Variants in GRIK4 observed in about 807,000 individuals in gnomAD.
GRIK4 encodes glutamate ionotropic receptor kainate type subunit 4.
Under a neutral mutation model 104.9 loss-of-function variants are expected in GRIK4, and 40 were observed. The ratio of observed to expected loss-of-function variants is 0.38; its 90% CI spans 0.30 to 0.50. The LOEUF is 0.50. Ranked by LOEUF, GRIK4 falls within the 20% of genes least tolerant of loss-of-function variation. The pLI is 0.93. For missense variants in GRIK4, 1,047 were observed against 1,308.1 expected (o/e 0.80, Z 3.08); for synonymous variants, 485 against 524.9 (o/e 0.92, Z 1.04).
chr11:120,777,519 C>T (rs1019161751), intron 3 of GRIK4, among the ~76,000 whole-genome samples: 1 of 152,224 alleles, frequency 6.6e-6, no homozygotes, highest in African/African-American at 2.4e-5. Flanking sequence ...GGGGTTGGGG[C>T]TGGGGGCACA....
intron 3 of GRIK4, among the ~76,000 whole-genome samples, chr11:120,762,258 A>G (rs1591880488): frequency 6.6e-6 from 1 of 152,294 alleles, no homozygotes; most frequent in East Asian, 1.9e-4. Flanking sequence ...TTATTGGTGT[A>G]TAGGAATGCC....
chr11:120,526,145 C>T (rs1591674114), intron 1 of GRIK4, among the ~76,000 whole-genome samples: 1 of 152,138 alleles, frequency 6.6e-6, no homozygotes, highest in Non-Finnish European at 1.5e-5. Flanking sequence ...TGCTCTATTT[C>T]GTGATCTGAG....
chr11:120,702,099 G>A lies in GRIK4; in HGVS notation c.82+41699G>A, dbSNP rs184138900. Among the ~76,000 whole-genome samples, 57 of 152,124 alleles carry A rather than the reference G, an allele frequency of 3.7e-4. No homozygotes were observed. The East Asian group carries it at 0.01, about 27-fold the overall frequency. On this transcript the variant is annotated intron_variant, in intron 3 of 20. Coordinates refer to ENST00000527524, the MANE Select transcript of GRIK4 (RefSeq NM_014619.5). ...GCCACCCGAGTAGCTGGGACTACAG[G>A]TGCACGCCACCACGCCTGGCTAATT...
At chr11:120,930,536 G>A (rs1943462311) in intron 13 of GRIK4, among the ~76,000 whole-genome samples, 1 of 152,164 alleles carries the variant, frequency 6.6e-6, no homozygotes, top group Admixed American at 6.5e-5. Context: ...TGGCAGAGTT[G>A]GAGTGTGAGT....
chr11:120,783,821 A>G (rs1377093360), intron 3 of GRIK4, among the ~76,000 whole-genome samples: 1 of 152,240 alleles, frequency 6.6e-6, no homozygotes, highest in African/African-American at 2.4e-5. Context: ...GTTAGTTTCA[A>G]GGAAACAGGC....
At chr11:120,810,469 G>A (rs1464949270) in intron 4 of GRIK4, among the ~76,000 whole-genome samples, 8 of 152,182 alleles carry the variant, frequency 5.3e-5, no homozygotes, top group African/African-American at 1.7e-4. Context: ...AGGGAGAGAT[G>A]CCTTCTGGCC....
chr11:120,602,038 T>A (rs898494379), intron 1 of GRIK4, among the ~76,000 whole-genome samples: 2 of 152,218 alleles, frequency 1.3e-5, no homozygotes, highest in African/African-American at 4.8e-5. Flanking sequence ...CTCTTTGATT[T>A]TGCCAGAGTC....
At chr11:120,564,102 T>G (rs947610466) in intron 1 of GRIK4, among the ~76,000 whole-genome samples, 5 of 152,184 alleles carry the variant, frequency 3.3e-5, no homozygotes, top group African/African-American at 4.8e-5. Flanking sequence ...GCTGGTGGCC[T>G]GAGGAAGGGC....
At chr11:120,826,177 T>A (rs962346138) in intron 6 of GRIK4, among the ~76,000 whole-genome samples, 1 of 152,164 alleles carries the variant, frequency 6.6e-6, no homozygotes, top group African/African-American at 2.4e-5. Context: ...AACATTCTCA[T>A]TATATGCAGA....
At chr11:120,519,872 T>TTG (rs1565535998) in intron 1 of GRIK4, among the ~76,000 whole-genome samples, 3 of 104,858 alleles carry the variant, frequency 2.9e-5, no homozygotes, top group African/African-American at 1.3e-4. Flanking sequence ...CTGGTTTTTT[T>TTG]TTTTTTTGTT....
chr11:120,518,142 C>G (rs1947753061), intron 1 of GRIK4, among the ~76,000 whole-genome samples: 1 of 152,060 alleles, frequency 6.6e-6, no homozygotes. Context: ...CTCCATTGCT[C>G]CCCCTGAGGC....
At chr11:120,715,570 T>G (rs949191960) in intron 3 of GRIK4, among the ~76,000 whole-genome samples, 1 of 152,178 alleles carries the variant, frequency 6.6e-6, no homozygotes, top group Admixed American at 6.5e-5. Flanking sequence ...CTCTCTCCTC[T>G]TTCCCCTCCA....
chr11:120,690,371 T>A (rs1950339123), intron 3 of GRIK4, among the ~76,000 whole-genome samples: 1 of 152,196 alleles, frequency 6.6e-6, no homozygotes, highest in Admixed American at 6.5e-5. Flanking sequence ...CACATCTCTA[T>A]TGTCCAGCCA....
intron 3 of GRIK4, among the ~76,000 whole-genome samples, chr11:120,702,167 G>A (rs1950563604): frequency 6.6e-6 from 1 of 152,162 alleles, no homozygotes; most frequent in East Asian, 1.9e-4. Context: ...TGTTGGCCAG[G>A]ATGGCCTCGA....
At chr11:120,815,555 G>A (rs1021866587) in intron 5 of GRIK4, 80 bp downstream of exon 5, 3 of 788,378 alleles carry the variant, frequency 3.8e-6, no homozygotes, top group South Asian at 1.9e-5. Flanking sequence ...GATTCTCAAG[G>A]GCTGGAAGAG....
At chr11:120,857,127 A>T (rs10750177) in intron 8 of GRIK4, among the ~76,000 whole-genome samples, 76,204 of 151,850 alleles carry the variant, frequency 0.5, 20,116 homozygotes, top group African/African-American at 0.66. Flanking sequence ...TCTTCCTCTC[A>T]TCCTCCAACA....
rs528698457 is a variant in GRIK4 at position 120,840,377 on chromosome 11, A to G, written c.744+3533A>G. On this transcript the variant is annotated intron_variant, in intron 8 of 20. Transcript: ENST00000527524. The stretch of plus-strand genomic sequence containing the variant: ...CGGAACTGATGTTAGAGACTTGATC[A>G]GTGAAACAGCATCATGCCCCTGCTT... Among the ~76,000 whole-genome samples, 10 of 152,336 alleles carry G rather than the reference A, an allele frequency of 6.6e-5. No individual in the cohort carries two copies. The South Asian group carries it at 1.9e-3, about 28-fold the overall frequency.
intron 3 of GRIK4, among the ~76,000 whole-genome samples, chr11:120,676,148 G>T (rs1277957225): frequency 1.3e-5 from 2 of 152,080 alleles, no homozygotes; most frequent in Admixed American, 6.6e-5. Context: ...GCATCCCCTG[G>T]CTCCATTTTC....
At chr11:120,679,859 C>T (rs1279795153) in intron 3 of GRIK4, among the ~76,000 whole-genome samples, 3 of 152,186 alleles carry the variant, frequency 2.0e-5, no homozygotes, top group Non-Finnish European at 2.9e-5. Context: ...CTTTCAACAT[C>T]GTTCCCATCC....
Sources: allele counts gnomAD v4.1 joint callset (sites outside exome capture counted in the v4.1 genomes callset), GRCh38; gene constraint gnomAD v4.1.1; transcripts MANE v1.5; gene names NCBI Gene and HGNC (gene_info 2026-07-23, HGNC 2026-07-21).